SUPT3H: variants seen among roughly 807,000 people sequenced by gnomAD.
SUPT3H encodes the protein SPT3 homolog, SAGA and STAGA complex component.
A neutral mutation model predicts 44.3 loss-of-function variants in SUPT3H; 44 were observed. The ratio of observed to expected loss-of-function variants is 0.99; its 90% confidence interval spans 0.78 to 1.28. The LOEUF (loss-of-function observed/expected upper bound fraction) is 1.28. SUPT3H is among the 50% of genes most tolerant of loss of function. The pLI, the probability that SUPT3H is intolerant of heterozygous loss-of-function variation, is 0.00. For missense variants in SUPT3H, 380 were observed against 387.1 expected (o/e 0.98, Z 0.15); for synonymous variants, 124 against 125.6 (o/e 0.99, Z 0.09).
At chr6:45,297,653 T>G (rs910406735) in intron 2 of SUPT3H, among the ~76,000 whole-genome samples, 8 of 152,140 alleles carry the variant, frequency 5.3e-5, no homozygotes, top group African/African-American at 1.4e-4. Context: ...ACTTAACATA[T>G]TAACAAACTA....
intron 2 of SUPT3H, among the ~76,000 whole-genome samples, chr6:45,117,850 G>A (rs1801060279): frequency 6.6e-6 from 1 of 152,006 alleles, no homozygotes; most frequent in African/African-American, 2.4e-5. Context: ...AAGTATATAA[G>A]ACAATTGTCT....
At chr6:45,183,373 TC>T (rs1344916587) in intron 2 of SUPT3H, among the ~76,000 whole-genome samples, 1 of 152,196 alleles carries the variant, frequency 6.6e-6, no homozygotes, top group African/African-American at 2.4e-5. Flanking sequence ...ATTGTGTTAG[TC>T]CGTCTTCACG....
At chr6:45,211,679 T>C (rs1764103883) in intron 2 of SUPT3H, among the ~76,000 whole-genome samples, 1 of 151,836 alleles carries the variant, frequency 6.6e-6, no homozygotes, top group Admixed American at 6.6e-5. Context: ...TGAAACTCTG[T>C]CCCTACTAAA....
rs572116151 is a variant in SUPT3H, at chr6:45,367,496, A to G, written c.1-2195T>C. ...CACAAGTCCAAGACTGGGGGAAAAC[A>G]GGAAACAAAGGACTTCCCTAAATAG... On this transcript the variant is annotated intron_variant, in intron 1 of 10. Transcript: ENST00000371459. Among the ~76,000 whole-genome samples the G allele has an allele frequency of 4.1e-4, 63 of 152,294 alleles. No homozygotes were observed. In the Middle Eastern group the frequency reaches 0.01, roughly 25 times the overall value.
At chr6:44,865,332 T>C (rs1775331948) in intron 10 of SUPT3H, among the ~76,000 whole-genome samples, 1 of 152,228 alleles carries the variant, frequency 6.6e-6, no homozygotes, top group African/African-American at 2.4e-5. Flanking sequence ...TTCTGTCTGT[T>C]ATTCAGGTTC....
intron 2 of SUPT3H, among the ~76,000 whole-genome samples, chr6:45,275,294 C>T (rs1470615873): frequency 1.3e-5 from 2 of 152,084 alleles, no homozygotes; most frequent in Non-Finnish European, 2.9e-5. Context: ...TGACTATGTT[C>T]AGTTTTTCAA....
chr6:45,251,365 A>C (rs2153652814), intron 2 of SUPT3H, among the ~76,000 whole-genome samples: 1 of 151,084 alleles, frequency 6.6e-6, no homozygotes, highest in East Asian at 2.0e-4. Flanking sequence ...TCTTCTTTAA[A>C]CTTATTCTAA....
In SUPT3H at chr6:44,906,232, TTACTC is replaced by T. The variant is rs1401291727; in HGVS notation, c.912+26416_912+26420del. 3.9e-5 allele frequency among the ~76,000 whole-genome samples: 6 copies of T among 152,308 alleles called. No homozygotes were observed. In the South Asian group the frequency reaches 1.2e-3, roughly 32 times the overall value. On this transcript the variant is annotated intron_variant, in intron 10 of 10. Transcript: ENST00000371459. ...GCCATAACAAAAGCCATTATGCTTTTTACTCGAGTGTTAATGAATGCAAAGAGATT... is the reference window on the plus strand; with the variant it reads ...GCCATAACAAAAGCCATTATGCTTTTGAGTGTTAATGAATGCAAAGAGATT...
chr6:45,071,311 T>C, intron 3 of SUPT3H, among the ~76,000 whole-genome samples: 1 of 148,194 alleles, frequency 6.7e-6, no homozygotes. Context: ...TTTAAAATTG[T>C]TAGAAACATT....
intron 3 of SUPT3H, among the ~76,000 whole-genome samples, chr6:45,034,664 A>G (rs1310336728): frequency 6.6e-6 from 1 of 152,202 alleles, no homozygotes. Flanking sequence ...AACACCAATA[A>G]TAACAGTAAC....
intron 10 of SUPT3H, among the ~76,000 whole-genome samples, chr6:44,845,478 A>C (rs1278712320): frequency 6.6e-6 from 1 of 152,198 alleles, no homozygotes; most frequent in African/African-American, 2.4e-5. Context: ...AGGGGCAAAG[A>C]AGTGCTGGGA....
chr6:44,969,117 T>C (rs1029200737), intron 6 of SUPT3H, among the ~76,000 whole-genome samples: 3 of 152,184 alleles, frequency 2.0e-5, no homozygotes, highest in Non-Finnish European at 2.9e-5. Context: ...CTGAAATTAT[T>C]TGTTCTTCTA....
At chr6:45,143,550 T>C (rs1805574269) in intron 2 of SUPT3H, among the ~76,000 whole-genome samples, 1 of 152,104 alleles carries the variant, frequency 6.6e-6, no homozygotes. Flanking sequence ...ACAGCAAAAG[T>C]AGTGCTAAGA....
At chr6:45,060,385 T>C (rs1196100997) in intron 3 of SUPT3H, among the ~76,000 whole-genome samples, 1 of 152,136 alleles carries the variant, frequency 6.6e-6, no homozygotes, top group Non-Finnish European at 1.5e-5. Context: ...CTGGGAGAAC[T>C]GGCTGGCCAT....
intron 2 of SUPT3H, among the ~76,000 whole-genome samples, chr6:45,108,834 T>C (rs1321059180): frequency 6.6e-6 from 1 of 151,778 alleles, no homozygotes; most frequent in East Asian, 1.9e-4. Flanking sequence ...GTCAGAACAA[T>C]AAAACAAGAA....
intron 3 of SUPT3H, among the ~76,000 whole-genome samples, chr6:45,062,263 T>A (rs1176722440): frequency 6.6e-6 from 1 of 152,050 alleles, no homozygotes; most frequent in Non-Finnish European, 1.5e-5. Flanking sequence ...ACAAATAACA[T>A]TTGAAAAAGT....
At chr6:45,319,609 G>A (rs1161547829) in intron 2 of SUPT3H, among the ~76,000 whole-genome samples, 2 of 152,070 alleles carry the variant, frequency 1.3e-5, no homozygotes, top group Non-Finnish European at 2.9e-5. Context: ...TTACTCAGTA[G>A]TAACCACCAT....
intron 2 of SUPT3H, among the ~76,000 whole-genome samples, chr6:45,331,232 A>ATC (rs1787445988): frequency 6.6e-6 from 1 of 152,020 alleles, no homozygotes; most frequent in Admixed American, 6.6e-5. Flanking sequence ...ACTACTCAAA[A>ATC]TCTGTCCATC....
At chr6:45,057,588 T>G (rs1482547136) in intron 3 of SUPT3H, among the ~76,000 whole-genome samples, 3 of 152,054 alleles carry the variant, frequency 2.0e-5, no homozygotes, top group African/African-American at 7.2e-5. Context: ...GGACTCAGAG[T>G]TGAGAGGATG....
Sources: gnomAD v4.1 joint callset for allele counts (sites outside exome capture counted in the v4.1 genomes callset) on GRCh38, gnomAD v4.1.1 for gene constraint, MANE v1.5 for transcripts, NCBI Gene and HGNC (gene_info 2026-07-23, HGNC 2026-07-21) for gene names.